Variants in ANK2 observed in about 807,000 individuals in gnomAD.
ANK2 encodes ankyrin 2.
In ANK2, 83 loss-of-function variants were observed where a neutral mutation model predicts 360.5. That is an observed-to-expected ratio of 0.23 (90% CI 0.19 to 0.28). The LOEUF is 0.28. Ranked by LOEUF, ANK2 falls within the 10% of genes least tolerant of loss-of-function variation. The pLI is 1.00. For synonymous variants in ANK2, 1,740 were observed against 1,759.5 expected (o/e 0.99, Z 0.28); for missense variants, 4,201 against 4,795.7 (o/e 0.88, Z 3.66).
chr4:113,345,894 T>C lies in ANK2; in HGVS notation c.4249-6T>C. ...GGGTGAAGCATGTATGTCTTTCTTGTTCAAGGTACGCGATACGACTCAGGA... is the reference window on the plus strand; with the variant it reads ...GGGTGAAGCATGTATGTCTTTCTTGCTCAAGGTACGCGATACGACTCAGGA... On this transcript the variant is annotated splice_region_variant and splice_polypyrimidine_tract_variant and intron_variant, in intron 34 of 45. Transcript: ENST00000357077. The C allele has an allele frequency of 1.9e-6, 3 of 1,613,358 alleles. No individual in the cohort carries two copies. The highest frequency in any genetic ancestry group is 8.5e-7 in the Non-Finnish European group (1 of 1,179,430).
At chr4:113,044,847 CA>C (rs967126057), upstream of ANK2, among the ~76,000 whole-genome samples, 1 of 152,060 alleles carries the variant, frequency 6.6e-6, no homozygotes, top group Non-Finnish European at 1.5e-5. Flanking sequence ...GGGGCTTGAA[CA>C]TATCTTTTAG....
chr4:112,827,616 C>CT, intron 1 of ANK2: 1 of 880,964 alleles, frequency 1.1e-6, no homozygotes, highest in Non-Finnish European at 1.9e-6. Flanking sequence ...GACCACTCTA[C>CT]TCTCCATCCA....
intron 2 of ANK2, among the ~76,000 whole-genome samples, chr4:113,189,580 C>T (rs892401559): frequency 7.2e-5 from 11 of 152,034 alleles, no homozygotes; most frequent in South Asian, 2.1e-4. Context: ...ATGTTTTATC[C>T]GAGTTTAGTA....
chr4:113,381,135 C>T (rs1299494087), intron 45 of ANK2, among the ~76,000 whole-genome samples: 1 of 152,028 alleles, frequency 6.6e-6, no homozygotes, highest in Non-Finnish European at 1.5e-5. Flanking sequence ...CTTAATCAAA[C>T]CATGAATGAT....
At chr4:113,112,694 C>T (rs2094423429) in intron 1 of ANK2, among the ~76,000 whole-genome samples, 1 of 152,106 alleles carries the variant, frequency 6.6e-6, no homozygotes, top group Admixed American at 6.6e-5. Context: ...TTGTTACTAG[C>T]TAGAAATTTT....
rs574715133 is a variant in ANK2 at position 113,024,303 on chromosome 4, C to A, written c.21+119789C>A. ...TTAAAGATTACTAGTATACTAGACA[C>A]TCTCTCAGATAGACACAGGTGAGAT... On this transcript the variant is annotated intron_variant, in intron 2 of 30. Transcript: ENST00000503271. 3.9e-5 allele frequency among the ~76,000 whole-genome samples: 6 copies of A among 152,196 alleles called. No homozygotes were observed. The South Asian group carries it at 1.0e-3, about 26-fold the overall frequency.
At chr4:113,368,533 C>T (rs965285054) in intron 42 of ANK2, among the ~76,000 whole-genome samples, 2 of 152,162 alleles carry the variant, frequency 1.3e-5, no homozygotes, top group Non-Finnish European at 2.9e-5. Context: ...ATTTAAGTTC[C>T]GGCCTTTATG....
chr4:113,169,527 G>A (rs574053314), intron 1 of ANK2, among the ~76,000 whole-genome samples: 10 of 152,262 alleles, frequency 6.6e-5, no homozygotes, highest in East Asian at 1.9e-4. Context: ...TCCACAAGGA[G>A]CCTGTGCTTT....
At chr4:112,770,560 T>A in the ANK2 span, among the ~76,000 whole-genome samples, 11 of 151,976 alleles carry the variant, frequency 7.2e-5, no homozygotes, top group Non-Finnish European at 1.6e-4. Context: ...ACAAAAATTA[T>A]CAGAGCATAG....
chr4:112,882,226 A>T (rs2076903015), intron 1 of ANK2: 1 of 157,764 alleles, frequency 6.3e-6, no homozygotes, highest in Non-Finnish European at 1.4e-5. Flanking sequence ...ATAGTCTTGT[A>T]TTTAAGGACA....
rs33910138 is a variant in ANK2, at chr4:113,289,215, C to CTT, written c.2277+746_2277+747dup. ...GTTCATATATCAGAAATTTCTTTTT[C>CTT]TTTTTTTTTTTTTTTTTTAAGACAG... On this transcript the variant is annotated intron_variant, in intron 20 of 45. Transcript: ENST00000357077. 1.9e-3 allele frequency among the ~76,000 whole-genome samples: 251 copies of CTT among 132,280 alleles called. 1 individual carries two copies. The highest frequency in any genetic ancestry group is 3.3e-3 in the East Asian group (15 of 4,614). 86.8% of individuals were successfully genotyped at this position (132,280 alleles called of 152,430 possible).
chr4:112,777,669 G>C, the ANK2 span, among the ~76,000 whole-genome samples: 11 of 147,472 alleles, frequency 7.5e-5, no homozygotes, highest in Non-Finnish European at 1.0e-4. Flanking sequence ...CCAGGCTGGA[G>C]TGCAGTGGCA....
At chr4:112,955,237 TTAC>T (rs1272577007) in intron 2 of ANK2, among the ~76,000 whole-genome samples, 1 of 152,134 alleles carries the variant, frequency 6.6e-6, no homozygotes, top group African/African-American at 2.4e-5. Context: ...AGGTCAATTA[TTAC>T]TTTTATAATA....
At chr4:113,233,511 A>C (rs997607965) in intron 5 of ANK2, among the ~76,000 whole-genome samples, 2 of 152,140 alleles carry the variant, frequency 1.3e-5, no homozygotes, top group Non-Finnish European at 2.9e-5. Flanking sequence ...TGACTGGTGG[A>C]TTCTTGTTAC....
At chr4:113,116,874 C>T (rs2094845615) in intron 1 of ANK2, 1 of 208,772 alleles carries the variant, frequency 4.8e-6, no homozygotes, top group Admixed American at 5.3e-5. Context: ...GAGGAGTCCC[C>T]AAAGACTGTT....
intron 1 of ANK2, among the ~76,000 whole-genome samples, chr4:113,055,180 C>T (rs1359770927): frequency 6.6e-6 from 1 of 151,904 alleles, no homozygotes; most frequent in Non-Finnish European, 1.5e-5. Context: ...ATTGCTTGAC[C>T]CCAGGAGTTT....
intron 2 of ANK2, among the ~76,000 whole-genome samples, chr4:112,915,790 CA>C (rs2089605764): frequency 6.6e-6 from 1 of 151,064 alleles, no homozygotes; most frequent in African/African-American, 2.4e-5. Context: ...ATAATAAATA[CA>C]TTTTTTTCAA....
chr4:113,045,536 T>C (rs935441966), upstream of ANK2, among the ~76,000 whole-genome samples: 5 of 152,224 alleles, frequency 3.3e-5, no homozygotes, highest in Non-Finnish European at 5.9e-5. Flanking sequence ...GTACTGTGGT[T>C]GACACTAACC....
chr4:113,246,876 G>A (rs2043165472), intron 9 of ANK2, among the ~76,000 whole-genome samples: 1 of 152,054 alleles, frequency 6.6e-6, no homozygotes, highest in Admixed American at 6.6e-5. Flanking sequence ...AATATATGGA[G>A]GTCTTCATTT....
Sources: allele counts gnomAD v4.1 joint callset (sites outside exome capture counted in the v4.1 genomes callset), GRCh38; gene constraint gnomAD v4.1.1; transcripts MANE v1.5; gene names NCBI Gene and HGNC (gene_info 2026-07-23, HGNC 2026-07-21).